Variants in ACVR1C observed in about 807,000 individuals in gnomAD.
ACVR1C encodes activin A receptor type 1C.
A neutral mutation model predicts 57.9 loss-of-function variants in ACVR1C; 23 were observed. That is an observed-to-expected ratio of 0.40 (90% CI 0.29 to 0.56). ACVR1C has a LOEUF of 0.56. ACVR1C is among the 20% of genes least tolerant of loss of function. The pLI, the probability that ACVR1C is intolerant of heterozygous loss-of-function variation, is 0.50. For synonymous variants in ACVR1C, 214 were observed against 215.3 expected, an observed-to-expected ratio of 0.99 and a Z score of 0.05; for missense variants, 480 against 607.9, an observed-to-expected ratio of 0.79 and a Z score of 2.21.
intron 2 of ACVR1C, among the ~76,000 whole-genome samples, chr2:157,567,424 T>C (rs1482687248): frequency 1.5e-5 from 1 of 66,160 alleles, no homozygotes; most frequent in Non-Finnish European, 3.0e-5. Context: ...CTCTGAGCTA[T>C]GGGAGGACAT....
At chr2:157,542,921 A>G in intron 5 of ACVR1C, 59 bp from the exon 6 acceptor site, 1 of 1,530,258 alleles carries the variant, frequency 6.5e-7, no homozygotes, top group Non-Finnish European at 8.9e-7. Flanking sequence ...TTCAAGAGAA[A>G]TCATCCTGAA....
intron 1 of ACVR1C, among the ~76,000 whole-genome samples, chr2:157,613,334 ATACTT>A (rs1375858744): frequency 1.3e-5 from 2 of 152,210 alleles, no homozygotes; most frequent in African/African-American, 4.8e-5. Context: ...TAACTCCTCT[ATACTT>A]TAAATAATCT....
At chr2:157,557,104 T>C (rs774398764) in intron 2 of ACVR1C, among the ~76,000 whole-genome samples, 8 of 151,890 alleles carry the variant, frequency 5.3e-5, no homozygotes, top group Non-Finnish European at 1.2e-4. Context: ...TTGAGTCATA[T>C]ATGTTCTCAT....
chr2:157,604,346 A>T (rs939701994), intron 1 of ACVR1C, among the ~76,000 whole-genome samples: 1 of 151,998 alleles, frequency 6.6e-6, no homozygotes, highest in Non-Finnish European at 1.5e-5. Context: ...CTTCTTCAGA[A>T]TGTCAAACGA....
chr2:157,538,209 C>A (rs1456642791), intron 8 of ACVR1C, among the ~76,000 whole-genome samples: 2 of 152,172 alleles, frequency 1.3e-5, no homozygotes, highest in African/African-American at 2.4e-5. Flanking sequence ...GATCTTCCAG[C>A]TCCTCTCTTC....
chr2:157,595,635 CA>C (rs979281266), intron 1 of ACVR1C, among the ~76,000 whole-genome samples: 3 of 152,106 alleles, frequency 2.0e-5, no homozygotes, highest in Non-Finnish European at 4.4e-5. Flanking sequence ...TAATGGATTC[CA>C]ATTACATTTA....
chr2:157,599,755 C>A (rs1034996273), intron 1 of ACVR1C, among the ~76,000 whole-genome samples: 1 of 152,150 alleles, frequency 6.6e-6, no homozygotes, highest in African/African-American at 2.4e-5. Flanking sequence ...CAATTATAAT[C>A]AACTCCTGAA....
chr2:157,538,751 A>G (rs774967335), intron 7 of ACVR1C, 48 bp from the exon 8 acceptor site: 57 of 1,413,116 alleles, frequency 4.0e-5, no homozygotes, highest in Non-Finnish European at 4.9e-5. Flanking sequence ...TAATAAACAA[A>G]CATGTCTATT....
Position 157,528,921 on chromosome 2 carries a change from T to C in ACVR1C, c.*4997A>G, listed in dbSNP as rs1687296123. On this transcript the variant is annotated 3_prime_UTR_variant, in exon 9 of 9. Coordinates refer to ENST00000243349, the MANE Select transcript of ACVR1C (RefSeq NM_145259.3). ...ACTTAAAATCTTGTTAAGAAGTTCA[T>C]TGTGTAGAAGTTTGGACAGGTTAAA... 6.6e-6 allele frequency: 1 copy of C among 152,162 alleles called. No individual in the cohort carries two copies. Among genetic ancestry groups the C allele is most frequent in the Non-Finnish European group, 1.5e-5 (1 of 68,002 alleles). The allele number at this position is 152,162 out of a possible 1,614,324, so 9.4% of individuals were successfully genotyped here. A position where few individuals can be genotyped will look rare whatever the true frequency, so the allele number is the denominator to read the frequency against.
At chr2:157,572,516 C>G (rs944341814) in intron 2 of ACVR1C, among the ~76,000 whole-genome samples, 10 of 152,020 alleles carry the variant, frequency 6.6e-5, no homozygotes, top group Non-Finnish European at 1.5e-4. Context: ...ACATATAGCT[C>G]AATGTCCTAT....
chr2:157,564,911 A>T (rs1055309656), intron 2 of ACVR1C, among the ~76,000 whole-genome samples: 3 of 152,134 alleles, frequency 2.0e-5, no homozygotes, highest in Non-Finnish European at 4.4e-5. Context: ...AACAATGAGA[A>T]CACATGGACA....
At chr2:157,586,349 C>G (rs1688921060) in intron 2 of ACVR1C, among the ~76,000 whole-genome samples, 2 of 151,820 alleles carry the variant, frequency 1.3e-5, no homozygotes, top group South Asian at 4.2e-4. Flanking sequence ...CATATGAACA[C>G]CTGAGATTGG....
chr2:157,624,787 T>C (rs1324821252), intron 1 of ACVR1C, among the ~76,000 whole-genome samples: 1 of 152,166 alleles, frequency 6.6e-6, no homozygotes, highest in East Asian at 1.9e-4. Flanking sequence ...GAGCCAGAAA[T>C]ACATGCATCA....
intron 2 of ACVR1C, among the ~76,000 whole-genome samples, chr2:157,583,315 C>G (rs1444219644): frequency 6.6e-6 from 1 of 152,078 alleles, no homozygotes; most frequent in Non-Finnish European, 1.5e-5. Flanking sequence ...ATAAAGTCAA[C>G]AAAATATTTA....
chr2:157,579,057 T>G (rs1229819773), intron 2 of ACVR1C, among the ~76,000 whole-genome samples: 1 of 152,256 alleles, frequency 6.6e-6, no homozygotes, highest in Non-Finnish European at 1.5e-5. Context: ...GACTTCCCTT[T>G]GTCTTTGGTG....
intron 1 of ACVR1C, among the ~76,000 whole-genome samples, chr2:157,590,826 T>C (rs927511158): frequency 1.3e-5 from 2 of 151,984 alleles, no homozygotes; most frequent in African/African-American, 4.8e-5. Context: ...ATCTTTCTAG[T>C]ATTCTCCAGT....
At chr2:157,572,533 T>A (rs1688541184) in intron 2 of ACVR1C, among the ~76,000 whole-genome samples, 1 of 152,110 alleles carries the variant, frequency 6.6e-6, no homozygotes, top group African/African-American at 2.4e-5. Context: ...CTATACGTAA[T>A]AATCACCTCA....
intron 3 of ACVR1C, among the ~76,000 whole-genome samples, chr2:157,554,196 G>GAAGAGAGAAAGAAAGAAAGAAAGA (rs1558974763): frequency 2.5e-4 from 5 of 19,612 alleles, no homozygotes; most frequent in East Asian, 5.1e-3. Flanking sequence ...AAAAAATAAA[G>GAAGAGAGAAAGAAAGAAAGAAAGA]AAGAGAGAAA....
At chr2:157,548,827 G>C (rs920055457) in intron 4 of ACVR1C, among the ~76,000 whole-genome samples, 2 of 152,148 alleles carry the variant, frequency 1.3e-5, no homozygotes, top group Admixed American at 6.5e-5. Context: ...TACAAATCAT[G>C]CTCAAAGTAA....
Sources: allele counts gnomAD v4.1 joint callset (sites outside exome capture counted in the v4.1 genomes callset), GRCh38; gene constraint gnomAD v4.1.1; transcripts MANE v1.5; gene names NCBI Gene and HGNC (gene_info 2026-07-23, HGNC 2026-07-21).